Variants in BCHE observed in about 807,000 individuals in gnomAD.
BCHE encodes the protein butyrylcholinesterase.
A neutral mutation model predicts 51.3 loss-of-function variants in BCHE; 48 were observed. That is an observed-to-expected ratio of 0.94 (90% CI 0.74 to 1.19). The LOEUF (loss-of-function observed/expected upper bound fraction) is 1.19, where lower values mean the gene tolerates loss of function less well. Among genes scored for constraint, BCHE ranks in the 50% most tolerant of loss-of-function variants. The pLI, the probability that BCHE is intolerant of heterozygous loss-of-function variation, is 0.00. For missense variants in BCHE, 847 were observed against 708.2 expected (o/e 1.20, Z -2.23); for synonymous variants, 251 against 238.0 (o/e 1.05, Z -0.50).
intron 2 of BCHE, among the ~76,000 whole-genome samples, chr3:165,794,719 C>T (rs1270679623): frequency 1.3e-5 from 2 of 152,118 alleles, no homozygotes; most frequent in Non-Finnish European, 2.9e-5. Flanking sequence ...TTTGGAAGCA[C>T]ACAAGCTTTC....
In BCHE at chr3:165,773,415, G is replaced by A; in HGVS notation, c.1776C>T (p.Tyr592=). ...CCACACAACTTTCTTTCTTGCTAGT[G>A]TAATCGTTAAATTGATTTTTCCAGT... ...MMDWKNQFND[Y]TSKKESCVGL is the part of the protein sequence containing the mutation. Residue 592 remains tyrosine, a synonymous_variant, in exon 4 of 4, where the codon TAC becomes TAT. Transcript: ENST00000264381. The A allele has an allele frequency of 6.2e-7, 1 of 1,610,740 alleles. No homozygotes were observed. The highest frequency in any genetic ancestry group is 1.3e-5 in the African/African-American group (1 of 74,970).
At chr3:165,784,158 T>A (rs1712816081) in intron 3 of BCHE, among the ~76,000 whole-genome samples, 1 of 151,928 alleles carries the variant, frequency 6.6e-6, no homozygotes, top group Admixed American at 6.6e-5. Flanking sequence ...TTAGCCCAGG[T>A]CATCTGACTA....
intron 2 of BCHE, among the ~76,000 whole-genome samples, chr3:165,824,333 T>C (rs1714641159): frequency 1.3e-5 from 2 of 151,960 alleles, no homozygotes; most frequent in Admixed American, 6.6e-5. Flanking sequence ...GTCCTTTCAA[T>C]AGAAGCAGAA....
At chr3:165,797,322 T>C (rs1486491118) in intron 2 of BCHE, among the ~76,000 whole-genome samples, 6 of 74,338 alleles carry the variant, frequency 8.1e-5, no homozygotes, top group African/African-American at 1.6e-4. Flanking sequence ...CCTTCCTTCC[T>C]TCCTTCCTCC....
At chr3:165,818,562 AT>A (rs1479217282) in intron 2 of BCHE, among the ~76,000 whole-genome samples, 1 of 152,174 alleles carries the variant, frequency 6.6e-6, no homozygotes, top group Non-Finnish European at 1.5e-5. Context: ...AAATAGGGAT[AT>A]TAATGCATTT....
intron 2 of BCHE, among the ~76,000 whole-genome samples, chr3:165,805,898 C>T (rs1326421434): frequency 1.3e-5 from 2 of 152,098 alleles, no homozygotes; most frequent in Non-Finnish European, 2.9e-5. Flanking sequence ...CCATATCTAC[C>T]TGATTACCAG....
chr3:165,832,077 A>G (rs546911037), intron 1 of BCHE, among the ~76,000 whole-genome samples: 1 of 152,336 alleles, frequency 6.6e-6, no homozygotes, highest in Non-Finnish European at 1.5e-5. Flanking sequence ...ACATGGCAGA[A>G]GCAAAAATAA....
Position 165,830,238 on chromosome 3 carries a change from C to T in BCHE, c.796G>A (p.Glu266Lys). The change falls in exon 2 of 4, where the codon GAA (glutamate) becomes AAA (lysine). Residue 266 changes from glutamate to lysine, a missense_variant. Glu to Lys is a moderately conservative substitution (Grantham distance 56). Coordinates refer to ENST00000264381, the MANE Select transcript of BCHE (RefSeq NM_000055.4). ...AAGTTCAACGTTCTGTTCCTAGCTT[C>T]ATAAAGAGATGTTACCGCCCAAGGA... ...NAPWAVTSLY[E>K]ARNRTLNLAK... The T allele has an allele frequency of 6.2e-7, 1 of 1,614,000 alleles. No individual in the cohort carries two copies. Among genetic ancestry groups the T allele is most frequent in the East Asian group, 2.2e-5 (1 of 44,874 alleles).
intron 1 of BCHE, among the ~76,000 whole-genome samples, chr3:165,835,258 A>G (rs1339726601): frequency 6.6e-6 from 1 of 151,828 alleles, no homozygotes; most frequent in Non-Finnish European, 1.5e-5. Context: ...TGATTTTAAC[A>G]AAAAATACTA....
At chr3:165,780,170 T>C (rs966774456) in intron 3 of BCHE, among the ~76,000 whole-genome samples, 1 of 152,198 alleles carries the variant, frequency 6.6e-6, no homozygotes, top group African/African-American at 2.4e-5. Flanking sequence ...AAAGATTCCC[T>C]ATCTAATAAA....
chr3:165,815,252 A>T (rs951109225), intron 2 of BCHE, among the ~76,000 whole-genome samples: 1 of 151,004 alleles, frequency 6.6e-6, no homozygotes, highest in Non-Finnish European at 1.5e-5. Flanking sequence ...TTTTAGAAAA[A>T]AAAAAAAAAA....
At chr3:165,793,230 AC>A (rs1713240964) in intron 2 of BCHE, among the ~76,000 whole-genome samples, 1 of 152,172 alleles carries the variant, frequency 6.6e-6, no homozygotes, top group Non-Finnish European at 1.5e-5. Flanking sequence ...AAATTTCAAT[AC>A]AGCTATAATA....
In BCHE at chr3:165,792,766, C is replaced by G. The variant is rs576160675; in HGVS notation, c.1518-6455G>C. 3.9e-5 allele frequency among the ~76,000 whole-genome samples: 6 copies of G among 152,250 alleles called. No individual in the cohort carries two copies. In the South Asian group the frequency reaches 1.0e-3, roughly 26 times the overall value. On this transcript the variant is annotated intron_variant, in intron 2 of 3. Coordinates refer to ENST00000264381, the MANE Select transcript of BCHE (RefSeq NM_000055.4). The stretch of plus-strand genomic sequence containing the variant: ...TCTTAGATGCTCACTTTGAAAAATT[C>G]ATTAAACATGATATGGGTTCAATTC...
rs116454313 is a variant in BCHE at position 165,784,553 on chromosome 3, A to G, written c.1684+1592T>C. Reference sequence around the variant, plus strand: ...CATAGAGCTCAGCGTTACACAAGCTAGGAATTTGTTCAACATTGTATGGGA... The same window carrying G: ...CATAGAGCTCAGCGTTACACAAGCTGGGAATTTGTTCAACATTGTATGGGA... On this transcript the variant is annotated intron_variant, in intron 3 of 3. Transcript: ENST00000264381. Among the ~76,000 whole-genome samples, 836 of 152,082 alleles carry G rather than the reference A, an allele frequency of 5.5e-3. 6 individuals carry two copies. Among genetic ancestry groups the G allele is most frequent in the African/African-American group, 0.019 (797 of 41,558 alleles).
intron 2 of BCHE, among the ~76,000 whole-genome samples, chr3:165,792,669 C>A (rs1180746595): frequency 6.6e-6 from 1 of 152,136 alleles, no homozygotes; most frequent in African/African-American, 2.4e-5. Context: ...AACTAAGAAT[C>A]TCAAATCGAT....
At chr3:165,809,905 A>T (rs1447244406) in intron 2 of BCHE, among the ~76,000 whole-genome samples, 1 of 152,156 alleles carries the variant, frequency 6.6e-6, no homozygotes, top group East Asian at 1.9e-4. Context: ...CATACTAAGA[A>T]TTATTTTATC....
chr3:165,780,650 G>T (rs945747391), intron 3 of BCHE, among the ~76,000 whole-genome samples: 2 of 151,848 alleles, frequency 1.3e-5, no homozygotes, highest in African/African-American at 2.4e-5. Context: ...GCCAACAAAT[G>T]TATGAAAAAA....
chr3:165,795,656 GT>G (rs1005760354), intron 2 of BCHE, among the ~76,000 whole-genome samples: 1 of 152,034 alleles, frequency 6.6e-6, no homozygotes, highest in Non-Finnish European at 1.5e-5. Flanking sequence ...AGTTTGTTCA[GT>G]TTTTTTCTTA....
chr3:165,779,487 G>A lies in BCHE; in HGVS notation c.1685-5981C>T, dbSNP rs1398596418. ...AAAGGAAGTCAAGTTGTCTTTGTTC[G>A]TAGACAACATGATTCTATGTTTAGG... On this transcript the variant is annotated intron_variant, in intron 3 of 3. Transcript: ENST00000264381. Among the ~76,000 whole-genome samples, 11 of 152,180 alleles carry A rather than the reference G, an allele frequency of 7.2e-5. No individual in the cohort carries two copies. The East Asian group carries it at 7.7e-4, about 11-fold the overall frequency.
Sources: gnomAD v4.1 joint callset for allele counts (sites outside exome capture counted in the v4.1 genomes callset) on GRCh38, gnomAD v4.1.1 for gene constraint, MANE v1.5 for transcripts, NCBI Gene and HGNC (gene_info 2026-07-23, HGNC 2026-07-21) for gene names.